PTCHD4: variants seen among roughly 807,000 people sequenced by gnomAD.
PTCHD4 encodes patched domain-containing protein 4.
In PTCHD4, 33 loss-of-function variants were observed where a neutral mutation model predicts 58.1. That is an observed-to-expected ratio of 0.57 (90% CI 0.43 to 0.76). The LOEUF is 0.76. Ranked by LOEUF, PTCHD4 falls within the 30% of genes least tolerant of loss-of-function variation. PTCHD4 has a pLI of 0.00. For missense variants in PTCHD4, 1,058 were observed against 1,027.1 expected, an observed-to-expected ratio of 1.03 and a Z score of -0.41; for synonymous variants, 478 against 409.6, an observed-to-expected ratio of 1.17 and a Z score of -2.02.
intron 4 of PTCHD4, among the ~76,000 whole-genome samples, chr6:47,894,593 A>G (rs796430880): frequency 6.6e-6 from 1 of 152,268 alleles, no homozygotes; most frequent in Non-Finnish European, 1.5e-5. Context: ...AACATTCAAT[A>G]AATGTTAGCC....
At chr6:47,919,680 G>A (rs909530102) in intron 4 of PTCHD4, among the ~76,000 whole-genome samples, 4 of 152,140 alleles carry the variant, frequency 2.6e-5, no homozygotes, top group African/African-American at 9.7e-5. Context: ...TTTGCATTTT[G>A]TGTAATCCCA....
At chr6:48,046,044 G>A (rs1422703940) in intron 3 of PTCHD4, among the ~76,000 whole-genome samples, 3 of 151,766 alleles carry the variant, frequency 2.0e-5, no homozygotes, top group Non-Finnish European at 4.4e-5. Context: ...GTTGGAACTA[G>A]ATATTCAGAC....
chr6:47,955,266 C>A (rs533286125), intron 4 of PTCHD4, among the ~76,000 whole-genome samples: 2 of 152,180 alleles, frequency 1.3e-5, no homozygotes, highest in African/African-American at 2.4e-5. Flanking sequence ...ATGTAAGGAA[C>A]CATATACTAT....
intron 4 of PTCHD4, among the ~76,000 whole-genome samples, chr6:47,981,301 G>C (rs532800165): frequency 6.6e-6 from 1 of 151,678 alleles, no homozygotes; most frequent in African/African-American, 2.4e-5. Context: ...ATATGTTTTC[G>C]CTCTTGTTTA....
chr6:47,998,361 A>T (rs978298607), intron 4 of PTCHD4, among the ~76,000 whole-genome samples: 1 of 152,240 alleles, frequency 6.6e-6, no homozygotes, highest in Admixed American at 6.5e-5. Context: ...AAAAAGCAAG[A>T]GCAGCACATA....
intron 4 of PTCHD4, among the ~76,000 whole-genome samples, chr6:47,995,787 C>A (rs1254440603): frequency 1.3e-5 from 2 of 152,034 alleles, no homozygotes; most frequent in Non-Finnish European, 2.9e-5. Flanking sequence ...AAAAATCATA[C>A]CTCCAGGAAC....
At chr6:47,881,548 G>T (rs1170207625) in intron 4 of PTCHD4, among the ~76,000 whole-genome samples, 1 of 150,844 alleles carries the variant, frequency 6.6e-6, no homozygotes, top group Non-Finnish European at 1.5e-5. Flanking sequence ...CCAAATCTTG[G>T]CTAAGCCATT....
rs1415334805 is a variant in PTCHD4, at chr6:48,069,417, C to A, written c.-460G>T. ...ACAGCCTTCTCGCCCCTCCAGTTTC[C>A]CTGTGCCCTCGAATTCTGCTTTTCA... On this transcript the variant is annotated 5_prime_UTR_variant, in exon 2 of 5. The change creates a premature stop within an existing upstream ORF in the 5' untranslated region. Coordinates refer to ENST00000339488, the MANE Select transcript of PTCHD4 (RefSeq NM_001384253.1). Among the ~76,000 whole-genome samples the A allele has an allele frequency of 6.6e-6, 1 of 152,106 alleles. No homozygotes were observed. Among genetic ancestry groups the A allele is most frequent in the African/African-American group, 2.4e-5 (1 of 41,424 alleles).
chr6:47,944,637 T>A (rs548533557), intron 4 of PTCHD4, among the ~76,000 whole-genome samples: 1 of 152,244 alleles, frequency 6.6e-6, no homozygotes, highest in Admixed American at 6.5e-5. Context: ...GTAGAGGAAT[T>A]GAAAAACAGG....
At chr6:48,107,683 AT>A (rs1765762501) in intron 1 of PTCHD4, among the ~76,000 whole-genome samples, 1 of 152,134 alleles carries the variant, frequency 6.6e-6, no homozygotes, top group Non-Finnish European at 1.5e-5. Context: ...ATGGGAGAAA[AT>A]TTTTGCAACC....
In PTCHD4 at chr6:48,068,720, C is replaced by A; in HGVS notation, c.6-79G>T. On this transcript the variant is annotated intron_variant, in intron 2 of 4. Coordinates refer to ENST00000339488, the MANE Select transcript of PTCHD4 (RefSeq NM_001384253.1). This position sits in a 1 kb window ranked among gnomAD's most constrained non-coding sequence, Gnocchi z 4.2. ...TCCCACCCCCTGGGGCCAGTCCCCC[C>A]TCCCCACCGCCGCCGCCTCCCCACC... The A allele has an allele frequency of 3.6e-6, 5 of 1,386,754 alleles. No homozygotes were observed. Among genetic ancestry groups the A allele is most frequent in the Non-Finnish European group, 4.8e-6 (5 of 1,044,484 alleles). The allele number at this position is 1,386,754 out of a possible 1,614,324, so 85.9% of individuals were successfully genotyped here. A position where few individuals can be genotyped will look rare whatever the true frequency, so the allele number is the denominator to read the frequency against.
chr6:48,105,627 A>C (rs867642613), intron 1 of PTCHD4, among the ~76,000 whole-genome samples: 68 of 151,448 alleles, frequency 4.5e-4, no homozygotes, highest in African/African-American at 1.5e-3. Flanking sequence ...AATAGAGACA[A>C]AAAAAACCCT....
chr6:47,941,568 G>A (rs1175655572), intron 4 of PTCHD4, among the ~76,000 whole-genome samples: 1 of 152,158 alleles, frequency 6.6e-6, no homozygotes, highest in Non-Finnish European at 1.5e-5. Flanking sequence ...AGGAGGCAGA[G>A]CCATAAAGTA....
At chr6:48,097,693 T>C (rs1489793810) in intron 1 of PTCHD4, among the ~76,000 whole-genome samples, 1 of 152,166 alleles carries the variant, frequency 6.6e-6, no homozygotes, top group Non-Finnish European at 1.5e-5. Flanking sequence ...TGAGGACTTA[T>C]AATATAGACA....
At chr6:47,995,440 T>A (rs967507476) in intron 4 of PTCHD4, among the ~76,000 whole-genome samples, 2 of 152,192 alleles carry the variant, frequency 1.3e-5, no homozygotes, top group African/African-American at 4.8e-5. Flanking sequence ...TTTTTACATA[T>A]CTTGAGAAAA....
At chr6:48,047,210 T>C (rs76617570) in intron 3 of PTCHD4, among the ~76,000 whole-genome samples, 9,394 of 151,848 alleles carry the variant, frequency 0.062, 323 homozygotes, top group African/African-American at 0.071. Flanking sequence ...CAAGAGAATA[T>C]AGCTGTTACA....
intron 4 of PTCHD4, among the ~76,000 whole-genome samples, chr6:47,985,075 C>T (rs1768010652): frequency 6.6e-6 from 1 of 152,054 alleles, no homozygotes; most frequent in South Asian, 2.1e-4. Context: ...CTTATGAGAA[C>T]TGATTTTTAT....
At chr6:48,108,756 A>C (rs1765800699) in intron 1 of PTCHD4, among the ~76,000 whole-genome samples, 1 of 152,072 alleles carries the variant, frequency 6.6e-6, no homozygotes, top group Non-Finnish European at 1.5e-5. Context: ...AAATAATTCC[A>C]AGAATATAGA....
chr6:48,051,001 T>C (rs756981481), intron 3 of PTCHD4, among the ~76,000 whole-genome samples: 4 of 151,972 alleles, frequency 2.6e-5, no homozygotes, highest in Admixed American at 6.6e-5. Flanking sequence ...ACATTTTCAT[T>C]TTATATTTCT....
Sources: allele counts gnomAD v4.1 joint callset (sites outside exome capture counted in the v4.1 genomes callset), GRCh38; gene constraint gnomAD v4.1.1; non-coding constraint Gnocchi (gnomAD v3.1); transcripts MANE v1.5; gene names NCBI Gene and HGNC (gene_info 2026-07-23, HGNC 2026-07-21).